Variants in EYS observed in about 807,000 individuals in gnomAD.
The protein encoded by EYS is protein eyes shut homolog.
EYS carries 250 observed loss-of-function variants against 282.1 expected under a neutral mutation model. That is an observed-to-expected ratio of 0.89 (90% CI 0.80 to 0.98). The LOEUF is 0.98. EYS is among the 50% of genes least tolerant of loss of function. The pLI, the probability that EYS is intolerant of heterozygous loss-of-function variation, is 0.00. For synonymous variants in EYS, 1,355 were observed against 1,282.9 expected (o/e 1.06, Z -1.20); for missense variants, 4,016 against 3,709.0 (o/e 1.08, Z -2.15).
chr6:64,240,471 C>A (rs1164376379), intron 30 of EYS, among the ~76,000 whole-genome samples: 1 of 152,138 alleles, frequency 6.6e-6, no homozygotes, highest in Non-Finnish European at 1.5e-5. Context: ...TCCTTCACAT[C>A]CCTTGTAAGT....
intron 35 of EYS, among the ~76,000 whole-genome samples, chr6:63,887,022 C>A (rs1398569914): frequency 2.0e-5 from 3 of 152,100 alleles, no homozygotes; most frequent in Non-Finnish European, 4.4e-5. Context: ...ATTCAAAGGG[C>A]AGGTAGGTCA....
At chr6:64,215,487 T>C (rs1253148954) in intron 31 of EYS, among the ~76,000 whole-genome samples, 1 of 152,102 alleles carries the variant, frequency 6.6e-6, no homozygotes, top group Non-Finnish European at 1.5e-5. Context: ...TTTTAAAATA[T>C]GTTCAAATTC....
At chr6:65,616,711 G>C (rs421733) in intron 2 of EYS, among the ~76,000 whole-genome samples, 65,516 of 151,440 alleles carry the variant, frequency 0.43, 16,605 homozygotes, top group African/African-American at 0.71. Flanking sequence ...GCTTGAACCC[G>C]GGAGGTCAAG....
intron 26 of EYS, among the ~76,000 whole-genome samples, chr6:64,518,725 C>G (rs932641290): frequency 6.6e-6 from 1 of 151,302 alleles, no homozygotes; most frequent in Non-Finnish European, 1.5e-5. Context: ...AGCAGTTTCC[C>G]CCATCCTGTT....
intron 12 of EYS, among the ~76,000 whole-genome samples, chr6:65,070,471 C>T (rs1490392504): frequency 6.6e-6 from 1 of 151,892 alleles, no homozygotes; most frequent in Non-Finnish European, 1.5e-5. Context: ...ACAACCTTCT[C>T]TCAATCTCCT....
intron 2 of EYS, among the ~76,000 whole-genome samples, chr6:65,543,411 T>C (rs1432680963): frequency 1.4e-5 from 2 of 148,104 alleles, no homozygotes; most frequent in Non-Finnish European, 3.0e-5. Context: ...ATATAATATA[T>C]AAATGTATAT....
At chr6:64,663,663 A>G (rs945158556) in intron 22 of EYS, among the ~76,000 whole-genome samples, 1 of 152,160 alleles carries the variant, frequency 6.6e-6, no homozygotes, top group Non-Finnish European at 1.5e-5. Flanking sequence ...ACTTCCAGCC[A>G]ACTTCTCCCC....
At chr6:65,034,236 G>A (rs891691478) in intron 13 of EYS, among the ~76,000 whole-genome samples, 16 of 152,134 alleles carry the variant, frequency 1.1e-4, no homozygotes, top group African/African-American at 3.6e-4. Flanking sequence ...ATCACATGTA[G>A]AAGGGACTTC....
At chr6:65,146,819 G>A (rs1202090818) in intron 12 of EYS, among the ~76,000 whole-genome samples, 1 of 151,916 alleles carries the variant, frequency 6.6e-6, no homozygotes. Context: ...CATTTGAAGA[G>A]TTCCATTTAT....
intron 29 of EYS, among the ~76,000 whole-genome samples, chr6:64,342,503 A>T (rs982325439): frequency 6.6e-6 from 1 of 152,014 alleles, no homozygotes; most frequent in Non-Finnish European, 1.5e-5. Flanking sequence ...TACTTTACAA[A>T]CAAGCAAATG....
At chr6:63,966,863 T>G (rs78646010) in intron 35 of EYS, among the ~76,000 whole-genome samples, 2,607 of 152,276 alleles carry the variant, frequency 0.017, 65 homozygotes, top group African/African-American at 0.053. Flanking sequence ...TATCTGGCAA[T>G]AATACAGTGG....
At chr6:64,306,912 T>A (rs1582570751) in intron 30 of EYS, 58 bp downstream of exon 30, 2 of 809,010 alleles carry the variant, frequency 2.5e-6, no homozygotes, top group African/African-American at 3.5e-5. Context: ...TTGGAAATGA[T>A]ATCTTTTGGT....
At chr6:64,744,140 AT>A (rs1295815567) in intron 22 of EYS, among the ~76,000 whole-genome samples, 3 of 152,136 alleles carry the variant, frequency 2.0e-5, no homozygotes, top group African/African-American at 7.2e-5. Flanking sequence ...AAAAAAGCAT[AT>A]TTTGCCATTC....
At chr6:63,858,816 CAA>C (rs1772458317) in intron 36 of EYS, among the ~76,000 whole-genome samples, 1 of 152,078 alleles carries the variant, frequency 6.6e-6, no homozygotes, top group Non-Finnish European at 1.5e-5. Context: ...TGGATGCTAT[CAA>C]AAGAGTTATG....
rs532634238 is a variant in EYS at position 65,236,283 on chromosome 6, T to G, written c.2023+59580A>C. On this transcript the variant is annotated intron_variant, in intron 12 of 42. Coordinates refer to ENST00000503581, the MANE Select transcript of EYS (RefSeq NM_001142800.2). ...CATTTCTTAGGCTTACATACTCAATTACACCATAACCTAAAATTACAAAGT... is the reference window on the plus strand; with the variant it reads ...CATTTCTTAGGCTTACATACTCAATGACACCATAACCTAAAATTACAAAGT... Among the ~76,000 whole-genome samples, 4 of 152,204 alleles carry G rather than the reference T, an allele frequency of 2.6e-5. No individual in the cohort carries two copies. In the East Asian group the frequency reaches 7.7e-4, roughly 29 times the overall value.
At chr6:64,331,850 G>T (rs1770658259) in intron 29 of EYS, among the ~76,000 whole-genome samples, 1 of 152,208 alleles carries the variant, frequency 6.6e-6, no homozygotes, top group African/African-American at 2.4e-5. Context: ...CAAGCCAGAG[G>T]CTACTGGTAC....
intron 12 of EYS, among the ~76,000 whole-genome samples, chr6:65,183,421 T>C (rs1765440252): frequency 6.6e-6 from 1 of 151,900 alleles, no homozygotes; most frequent in African/African-American, 2.4e-5. Flanking sequence ...CCAAATACAA[T>C]TTCGGAGTTA....
chr6:65,241,000 A>G (rs1767044662), intron 12 of EYS, among the ~76,000 whole-genome samples: 1 of 152,178 alleles, frequency 6.6e-6, no homozygotes, highest in Non-Finnish European at 1.5e-5. Flanking sequence ...TTCCTAAAAC[A>G]TTTTAACATA....
chr6:65,513,002 C>G (rs1258585787), intron 2 of EYS, among the ~76,000 whole-genome samples: 1 of 152,066 alleles, frequency 6.6e-6, no homozygotes, highest in African/African-American at 2.4e-5. Flanking sequence ...AATCCACAAG[C>G]TGGTTTTTTG....
Sources: gnomAD v4.1 joint callset for allele counts (sites outside exome capture counted in the v4.1 genomes callset) on GRCh38, gnomAD v4.1.1 for gene constraint, MANE v1.5 for transcripts, NCBI Gene and HGNC (gene_info 2026-07-23, HGNC 2026-07-21) for gene names.